CYP39A1: variants seen among roughly 807,000 people sequenced by gnomAD.
CYP39A1 encodes the protein 24-hydroxycholesterol 7-alpha-hydroxylase.
CYP39A1 carries 49 observed loss-of-function variants against 58.1 expected under a neutral mutation model. The ratio of observed to expected loss-of-function variants is 0.84; its 90% CI spans 0.67 to 1.07. The LOEUF (loss-of-function observed/expected upper bound fraction) is 1.07. Among genes scored for constraint, CYP39A1 ranks in the 50% least tolerant of loss-of-function variants. CYP39A1 has a pLI of 0.00. For missense variants in CYP39A1, 531 were observed against 539.4 expected (o/e 0.98, Z 0.16); for synonymous variants, 209 against 187.6 (o/e 1.11, Z -0.93).
chr6:46,596,106 T>C lies in CYP39A1; in HGVS notation c.946A>G (p.Lys316Glu). ...TTCTCCAGGTCATCCTCAGACACTTTAATCTTATCTTTGCCTGTAAAAAAA... is the reference window on the plus strand; with the variant it reads ...TTCTCCAGGTCATCCTCAGACACTTCAATCTTATCTTTGCCTGTAAAAAAA... ...VFGKAGKDKIKVSEDDLENLL... is the reference protein window; with the variant it reads ...VFGKAGKDKIEVSEDDLENLL... The change falls in exon 8 of 12, where the codon AAA (lysine) becomes GAA (glutamate). Residue 316 changes from lysine (K) to glutamate (E), a missense_variant. Transcript: ENST00000275016. 2 of 1,601,098 alleles carry C rather than the reference T, an allele frequency of 1.2e-6. No homozygotes were observed. The highest frequency in any genetic ancestry group is 2.3e-5 in the South Asian group (2 of 87,900).
intron 7 of CYP39A1, among the ~76,000 whole-genome samples, chr6:46,599,111 C>G (rs969753977): frequency 6.6e-6 from 1 of 152,180 alleles, no homozygotes; most frequent in South Asian, 2.1e-4. Context: ...GGAATTCCTT[C>G]CATTATTTGT....
intron 1 of CYP39A1, among the ~76,000 whole-genome samples, chr6:46,644,950 A>G (rs1373453140): frequency 6.6e-6 from 1 of 152,156 alleles, no homozygotes; most frequent in Non-Finnish European, 1.5e-5. Context: ...TCATTGATAC[A>G]TCTTGTGTAT....
At chr6:46,569,580 A>AAAGATGATAAATTTT (rs1487465668) in intron 10 of CYP39A1, among the ~76,000 whole-genome samples, 1 of 151,990 alleles carries the variant, frequency 6.6e-6, no homozygotes, top group Non-Finnish European at 1.5e-5. Flanking sequence ...TTTATCATGA[A>AAAGATGATAAATTTT]AAGATGATAA....
At chr6:46,586,545 C>G in intron 10 of CYP39A1, 1 of 985,296 alleles carries the variant, frequency 1.0e-6, no homozygotes, top group African/African-American at 1.7e-5. Context: ...TGGACACTTG[C>G]ATTAGAACAG....
intron 9 of CYP39A1, 57 bp downstream of exon 9, chr6:46,587,977 C>T: frequency 9.4e-7 from 1 of 1,065,286 alleles, no homozygotes; most frequent in South Asian, 1.7e-5. Context: ...ATTTACCCTT[C>T]TGAAATAAAA....
At chr6:46,557,223 A>T (rs1208706133) in intron 10 of CYP39A1, among the ~76,000 whole-genome samples, 1 of 152,020 alleles carries the variant, frequency 6.6e-6, no homozygotes, top group African/African-American at 2.4e-5. Flanking sequence ...TCTAACATAC[A>T]TGTTATTAGA....
In CYP39A1 at chr6:46,643,370, A is replaced by G. The variant is rs570875264; in HGVS notation, c.178-1072T>C. On this transcript the variant is annotated intron_variant, in intron 1 of 11. Coordinates refer to ENST00000275016, the MANE Select transcript of CYP39A1 (RefSeq NM_016593.5). ...TCATTTCTATACCTCCCAAGAGATG[A>G]CACATGATTACTCCTGCAACACAGT... Among the ~76,000 whole-genome samples, 41 of 152,320 alleles carry G rather than the reference A, an allele frequency of 2.7e-4. No individual in the cohort carries two copies. In the South Asian group the frequency reaches 3.1e-3, roughly 12 times the overall value.
intron 7 of CYP39A1, among the ~76,000 whole-genome samples, chr6:46,608,717 T>TA (rs1215642836): frequency 6.6e-6 from 1 of 152,036 alleles, no homozygotes; most frequent in African/African-American, 2.4e-5. Context: ...TGGATTCAAG[T>TA]AATTCTACTG....
intron 8 of CYP39A1, among the ~76,000 whole-genome samples, chr6:46,593,621 T>A (rs1383829098): frequency 1.3e-5 from 2 of 152,174 alleles, no homozygotes; most frequent in African/African-American, 4.8e-5. Context: ...TTTACAAAAT[T>A]TGGATTTTTA....
chr6:46,640,494 T>C (rs1776261282), intron 2 of CYP39A1, among the ~76,000 whole-genome samples: 1 of 152,234 alleles, frequency 6.6e-6, no homozygotes. Context: ...ATGTTAGTAT[T>C]CGTGCTCCTT....
At chr6:46,591,095 A>G (rs1183203134) in intron 8 of CYP39A1, among the ~76,000 whole-genome samples, 1 of 152,160 alleles carries the variant, frequency 6.6e-6, no homozygotes, top group African/African-American at 2.4e-5. Flanking sequence ...TTTTGTAGCA[A>G]AATATATTTC....
At chr6:46,624,071 A>G (rs1403364724) in intron 7 of CYP39A1, among the ~76,000 whole-genome samples, 2 of 152,186 alleles carry the variant, frequency 1.3e-5, no homozygotes, top group Admixed American at 6.5e-5. Context: ...CTCCACTAGA[A>G]CTGGGTTCAA....
chr6:46,649,668 C>T (rs1232560839), intron 1 of CYP39A1, among the ~76,000 whole-genome samples: 1 of 152,070 alleles, frequency 6.6e-6, no homozygotes, highest in Admixed American at 6.6e-5. Flanking sequence ...TGCTTGTATA[C>T]AGTTAAAGAA....
chr6:46,650,362 C>T (rs1320538825), intron 1 of CYP39A1, among the ~76,000 whole-genome samples: 1 of 126,650 alleles, frequency 7.9e-6, no homozygotes, highest in African/African-American at 3.2e-5. Context: ...TCCCCTGGCA[C>T]CAAAGGTGGG....
chr6:46,643,611 T>C (rs1419458767), intron 1 of CYP39A1, among the ~76,000 whole-genome samples: 1 of 152,246 alleles, frequency 6.6e-6, no homozygotes, highest in Admixed American at 6.5e-5. Flanking sequence ...AGGTAGCTTT[T>C]TGTAACATCT....
chr6:46,637,923 T>C lies in CYP39A1; in HGVS notation c.544A>G (p.Thr182Ala), dbSNP rs752287817. 2 of 1,613,298 alleles carry C rather than the reference T, an allele frequency of 1.2e-6. No individual in the cohort carries two copies. Among genetic ancestry groups the C allele is most frequent in the Non-Finnish European group, 1.7e-6 (2 of 1,179,824 alleles). The stretch of plus-strand genomic sequence containing the variant: ...AACTCCTTGATTTTTTTCTTGTTTG[T>C]GGAAAACAAACTTTTATTAAAGAGC... ...NMLFNKSLFS[T>A]NKKKIKEFHQ... Residue 182 changes from threonine (T) to alanine (A), a missense_variant, in exon 4 of 12, where the codon ACA (threonine) becomes GCA (alanine). Physicochemically the swap from Thr to Ala is moderately conservative, Grantham distance 58. Coordinates refer to ENST00000275016, the MANE Select transcript of CYP39A1 (RefSeq NM_016593.5).
At chr6:46,620,969 T>G (rs1774922014) in intron 7 of CYP39A1, among the ~76,000 whole-genome samples, 1 of 152,118 alleles carries the variant, frequency 6.6e-6, no homozygotes, top group African/African-American at 2.4e-5. Flanking sequence ...AAGGGAAGAA[T>G]CTAATTTCCA....
At position 46,631,088 on chromosome 6, in the gene CYP39A1, A is replaced by G; in HGVS notation, c.733-18T>C. The stretch of plus-strand genomic sequence containing the variant: ...AATAATGTCTGTTTAAAAGAAATAA[A>G]CATTGCCAAACCATGGCTATGTGAC... On this transcript the variant is annotated intron_variant, in intron 5 of 11. Transcript: ENST00000275016. 1.9e-6 allele frequency: 3 copies of G among 1,557,486 alleles called. No individual in the cohort carries two copies. Among genetic ancestry groups the G allele is most frequent in the Admixed American group, 1.7e-5 (1 of 59,430 alleles).
At chr6:46,637,449 G>A (rs748428979) in intron 4 of CYP39A1, among the ~76,000 whole-genome samples, 4 of 152,146 alleles carry the variant, frequency 2.6e-5, no homozygotes, top group Non-Finnish European at 4.4e-5. Flanking sequence ...ATTTAACCAC[G>A]CCCATGTTTG....
Sources: allele counts gnomAD v4.1 joint callset (sites outside exome capture counted in the v4.1 genomes callset), GRCh38; gene constraint gnomAD v4.1.1; transcripts MANE v1.5; gene names NCBI Gene and HGNC (gene_info 2026-07-23, HGNC 2026-07-21).